TENM2: variants seen among roughly 807,000 people sequenced by gnomAD.
TENM2 encodes teneurin-2.
A neutral mutation model predicts 245.2 loss-of-function variants in TENM2; 52 were observed. That is an observed-to-expected ratio of 0.21 (90% confidence interval 0.17 to 0.27). The LOEUF is 0.27. Among genes scored for constraint, TENM2 ranks in the 10% least tolerant of loss-of-function variants. The probability of loss-of-function intolerance (pLI) is 1.00; values close to 1 mark genes in which losing one functional copy is unlikely to be tolerated. For synonymous variants in TENM2, 1,363 were observed against 1,438.9 expected, an observed-to-expected ratio of 0.95 and a Z score of 1.19; for missense variants, 3,046 against 3,666.8, an observed-to-expected ratio of 0.83 and a Z score of 4.37.
chr5:166,998,824 A>C, the TENM2 span, among the ~76,000 whole-genome samples: 9 of 152,254 alleles, frequency 5.9e-5, 3 homozygotes, highest in Admixed American at 5.9e-4. Context: ...CCTGTTTACA[A>C]AAGTGAAGCC....
intron 2 of TENM2, among the ~76,000 whole-genome samples, chr5:167,841,481 C>T (rs1031792487): frequency 2.0e-5 from 3 of 152,182 alleles, no homozygotes; most frequent in African/African-American, 7.2e-5. Context: ...GCCACTTTGC[C>T]ATTTGCAGTA....
the TENM2 span, among the ~76,000 whole-genome samples, chr5:167,065,375 C>G: frequency 3.3e-4 from 50 of 152,114 alleles, no homozygotes; most frequent in Non-Finnish European, 3.8e-4. Flanking sequence ...ATTGCAAACA[C>G]ATGTTATTTC....
the TENM2 span, among the ~76,000 whole-genome samples, chr5:167,170,756 G>A: frequency 6.6e-6 from 1 of 152,114 alleles, no homozygotes. Context: ...CTTCACCAAA[G>A]CAGCGTTCGT....
At chr5:168,254,675 C>T (rs1767484544) in intron 27 of TENM2, among the ~76,000 whole-genome samples, 1 of 152,166 alleles carries the variant, frequency 6.6e-6, no homozygotes, top group South Asian at 2.1e-4. Flanking sequence ...ATCACTTTCA[C>T]CTCCTCAAGG....
At chr5:167,094,664 T>G in the TENM2 span, among the ~76,000 whole-genome samples, 1 of 152,210 alleles carries the variant, frequency 6.6e-6, no homozygotes, top group South Asian at 2.1e-4. Flanking sequence ...CTTGTGCTAC[T>G]TCTCACTGTG....
At chr5:168,018,527 T>C (rs1785862466) in intron 5 of TENM2, among the ~76,000 whole-genome samples, 1 of 152,096 alleles carries the variant, frequency 6.6e-6, no homozygotes, top group African/African-American at 2.4e-5. Context: ...CTGCAGATAT[T>C]GACTTGTCGA....
chr5:168,243,533 C>T (rs1766287568), intron 25 of TENM2, among the ~76,000 whole-genome samples: 1 of 152,146 alleles, frequency 6.6e-6, no homozygotes, highest in African/African-American at 2.4e-5. Context: ...ATATGGATTT[C>T]TAAGCCCTGT....
chr5:168,247,125 C>G lies in TENM2; in HGVS notation c.6186C>G (p.Thr2062=), dbSNP rs1470982751. The G allele has an allele frequency of 6.2e-7, 1 of 1,613,818 alleles. No individual in the cohort carries two copies. ...TCCAAAGTGGGGGCTTCTCCTGCAC[C>G]ATCAGGTACCGGAAGATTGGCCCCC... The change falls in exon 27 of 29, where the codon ACC becomes ACG. Residue 2062 remains threonine, a synonymous_variant. Transcript: ENST00000518659. This position sits in a 1 kb window ranked among gnomAD's most constrained non-coding sequence, Gnocchi z 7.8.
chr5:167,758,131 G>A (rs1762428357), intron 2 of TENM2, among the ~76,000 whole-genome samples: 1 of 152,100 alleles, frequency 6.6e-6, no homozygotes, highest in Admixed American at 6.5e-5. Context: ...AATTGATGGA[G>A]GGTGGGTTCA....
At chr5:167,845,252 CACACA>C in intron 2 of TENM2, among the ~76,000 whole-genome samples, 1 of 89,432 alleles carries the variant, frequency 1.1e-5, no homozygotes, top group South Asian at 4.7e-4. Flanking sequence ...CACACACACA[CACACA>C]CACACACACA....
At chr5:167,619,331 TAACTACC>T (rs1264050504) in intron 2 of TENM2, among the ~76,000 whole-genome samples, 3 of 152,174 alleles carry the variant, frequency 2.0e-5, no homozygotes, top group Non-Finnish European at 2.9e-5. Context: ...CTTTCTTTAC[TAACTACC>T]AAGTGCACCA....
At chr5:167,700,063 T>A (rs1758038388) in intron 2 of TENM2, among the ~76,000 whole-genome samples, 1 of 152,130 alleles carries the variant, frequency 6.6e-6, no homozygotes, top group Admixed American at 6.6e-5. Context: ...TCTTCAGACC[T>A]CTTCACAGAC....
intron 5 of TENM2, among the ~76,000 whole-genome samples, chr5:168,024,471 G>A (rs922533175): frequency 6.6e-6 from 1 of 152,182 alleles, no homozygotes; most frequent in African/African-American, 2.4e-5. Context: ...TTCAGTTGGG[G>A]AGTTTCGAAG....
upstream of TENM2, among the ~76,000 whole-genome samples, chr5:167,281,001 C>T (rs1771024686): frequency 6.6e-6 from 1 of 151,970 alleles, no homozygotes. Context: ...AAAAGTATGT[C>T]TATTCCATCT....
intron 1 of TENM2, among the ~76,000 whole-genome samples, chr5:167,343,072 G>GT (rs1428048743): frequency 6.6e-6 from 1 of 152,096 alleles, no homozygotes; most frequent in African/African-American, 2.4e-5. Context: ...TGGGTTCCAA[G>GT]TTAATACTAT....
chr5:168,017,966 A>T (rs1300995053), intron 5 of TENM2, among the ~76,000 whole-genome samples: 1 of 151,992 alleles, frequency 6.6e-6, no homozygotes, highest in Non-Finnish European at 1.5e-5. Context: ...TCTTTCTCAT[A>T]GCTCCCTCTT....
the TENM2 span, among the ~76,000 whole-genome samples, chr5:167,043,496 T>G: frequency 6.6e-6 from 1 of 151,860 alleles, no homozygotes; most frequent in Non-Finnish European, 1.5e-5. Context: ...GGTGAAAAAA[T>G]AAAAATTGGG....
At chr5:167,616,055 AT>A (rs1405315761) in intron 2 of TENM2, among the ~76,000 whole-genome samples, 2 of 152,140 alleles carry the variant, frequency 1.3e-5, no homozygotes, top group Non-Finnish European at 2.9e-5. Context: ...TTTGGTGCCC[AT>A]TTGGGTATTA....
intron 2 of TENM2, among the ~76,000 whole-genome samples, chr5:167,735,678 C>T (rs1175432397): frequency 6.6e-6 from 1 of 152,106 alleles, no homozygotes. Flanking sequence ...TGTTGGTGCA[C>T]ACCTGTGGTC....
Sources: gnomAD v4.1 joint callset for allele counts (sites outside exome capture counted in the v4.1 genomes callset) on GRCh38, gnomAD v4.1.1 for gene constraint, Gnocchi (gnomAD v3.1) non-coding constraint, MANE v1.5 for transcripts, NCBI Gene and HGNC (gene_info 2026-07-23, HGNC 2026-07-21) for gene names.